The following ABLIM1 variants were observed in gnomAD, a reference collection of about 807,000 sequenced individuals.
ABLIM1 encodes actin-binding LIM protein 1.
ABLIM1 carries 40 observed loss-of-function variants against 107.0 expected under a neutral mutation model. The observed-to-expected ratio is 0.37, with a 90% CI of 0.29 to 0.49. The LOEUF is 0.49. Ranked by LOEUF, ABLIM1 falls within the 20% of genes least tolerant of loss-of-function variation. The pLI is 0.97. For missense variants in ABLIM1, 857 were observed against 1,008.5 expected, an observed-to-expected ratio of 0.85 and a Z score of 2.04; for synonymous variants, 357 against 357.3, an observed-to-expected ratio of 1.00 and a Z score of 0.01.
At chr10:114,519,779 G>C (rs1157583460) in intron 6 of ABLIM1, among the ~76,000 whole-genome samples, 1 of 152,110 alleles carries the variant, frequency 6.6e-6, no homozygotes, top group African/African-American at 2.4e-5. Context: ...CTTCTCACTG[G>C]TCCTACCCCC....
At chr10:114,477,436 C>T (rs1006678662) in intron 8 of ABLIM1, among the ~76,000 whole-genome samples, 14 of 152,138 alleles carry the variant, frequency 9.2e-5, no homozygotes, top group Admixed American at 8.5e-4. Context: ...ATTGTGTGAA[C>T]AGCCAAAGTG....
At chr10:114,709,316 T>A (rs1473597504) in intron 1 of ABLIM1, among the ~76,000 whole-genome samples, 2 of 152,146 alleles carry the variant, frequency 1.3e-5, no homozygotes, top group African/African-American at 4.8e-5. Context: ...AAGGTTTGAA[T>A]CGTATAAAGC....
At chr10:114,787,609 CCCCG>C in the ABLIM1 span, among the ~76,000 whole-genome samples, 1 of 146,648 alleles carries the variant, frequency 6.8e-6, no homozygotes, top group African/African-American at 2.5e-5. Flanking sequence ...CGGCCAGCCG[CCCCG>C]TCCGGGAGGT....
chr10:114,796,909 T>G, the ABLIM1 span, among the ~76,000 whole-genome samples: 1 of 152,178 alleles, frequency 6.6e-6, no homozygotes, highest in African/African-American at 2.4e-5. Context: ...GACCTGCATA[T>G]CCTCATGGGT....
intron 6 of ABLIM1, among the ~76,000 whole-genome samples, chr10:114,529,932 C>T (rs541438123): frequency 6.6e-6 from 1 of 152,302 alleles, no homozygotes; most frequent in Admixed American, 6.5e-5. Context: ...GAGGCTGAGG[C>T]AGGAGAATCC....
intron 6 of ABLIM1, among the ~76,000 whole-genome samples, chr10:114,519,348 G>A (rs1476870875): frequency 1.3e-5 from 2 of 152,212 alleles, no homozygotes; most frequent in African/African-American, 4.8e-5. Flanking sequence ...ACACAGAAAA[G>A]GAGGTAGAGA....
chr10:114,520,409 C>G (rs1416924369), intron 6 of ABLIM1, among the ~76,000 whole-genome samples: 1 of 151,912 alleles, frequency 6.6e-6, no homozygotes, highest in Non-Finnish European at 1.5e-5. Context: ...TTTTCCTAGT[C>G]TTTTCTGCTT....
intron 2 of ABLIM1, among the ~76,000 whole-genome samples, chr10:114,583,205 T>C (rs1028447571): frequency 6.6e-6 from 1 of 150,760 alleles, no homozygotes; most frequent in African/African-American, 2.4e-5. Context: ...AAAAAACATG[T>C]CTTCTTAAAA....
intron 1 of ABLIM1, chr10:114,631,970 CT>C: frequency 1.5e-6 from 2 of 1,302,916 alleles, no homozygotes; most frequent in Non-Finnish European, 2.0e-6. Context: ...GGAATAAACT[CT>C]GGGAGTGGAA....
chr10:114,776,726 G>A, the ABLIM1 span, among the ~76,000 whole-genome samples: 9 of 152,110 alleles, frequency 5.9e-5, no homozygotes, highest in Non-Finnish European at 7.4e-5. Context: ...CTGAGCTCCC[G>A]CCTCAGCCTC....
chr10:114,668,049 G>A (rs76957670), intron 1 of ABLIM1, among the ~76,000 whole-genome samples: 6,081 of 151,704 alleles, frequency 0.04, 157 homozygotes, highest in Middle Eastern at 0.082. Context: ...GGGGTCCTTC[G>A]AGGTAGGCAG....
intron 1 of ABLIM1, chr10:114,632,087 C>T: frequency 1.0e-6 from 1 of 985,276 alleles, no homozygotes; most frequent in Non-Finnish European, 1.2e-6. Context: ...CCCGCCTCGG[C>T]GGGCCCCGCT....
intron 2 of ABLIM1, among the ~76,000 whole-genome samples, chr10:114,580,626 A>G (rs2073253115): frequency 6.6e-6 from 1 of 152,196 alleles, no homozygotes; most frequent in Admixed American, 6.5e-5. Context: ...AGAGTCCTAT[A>G]CTTTTTGAAA....
chr10:114,713,040 C>A (rs1460245391), intron 1 of ABLIM1, among the ~76,000 whole-genome samples: 2 of 152,100 alleles, frequency 1.3e-5, no homozygotes, highest in Non-Finnish European at 2.9e-5. Context: ...CAGAGCAAGA[C>A]CCTGTCTCTT....
chr10:114,603,953 CA>C (rs56037072), intron 1 of ABLIM1, among the ~76,000 whole-genome samples: 7,774 of 131,274 alleles, frequency 0.059, 519 homozygotes, highest in African/African-American at 0.22. Context: ...GACTTTGTCT[CA>C]AAAAAAAAAA....
intron 6 of ABLIM1, among the ~76,000 whole-genome samples, chr10:114,501,458 A>T (rs571799473): frequency 1.3e-5 from 2 of 152,322 alleles, no homozygotes; most frequent in East Asian, 3.9e-4. Flanking sequence ...AAAGGATACA[A>T]ATAAAAGTTT....
rs202200945 is a variant in ABLIM1 at position 114,468,190 on chromosome 10, T to C, written c.1302A>G (p.Pro434=). The stretch of plus-strand genomic sequence containing the variant: ...AAGAAATGGTACTTACTTCTGCTGA[T>C]GGAGTAGGAGACAAAGTCCTCGGAG... ...GESPRTLSPT[P]SAEGYQDVRD... Residue 434 remains proline, a synonymous_variant, in exon 11 of 23, where the codon CCA becomes CCG. Transcript: ENST00000533213. 41 of 1,613,252 alleles carry C rather than the reference T, an allele frequency of 2.5e-5. No homozygotes were observed. The East Asian group carries it at 8.9e-4, about 35-fold the overall frequency.
the ABLIM1 span, chr10:114,779,089 TCA>T: frequency 6.6e-6 from 1 of 152,216 alleles, no homozygotes; most frequent in Admixed American, 6.5e-5. Flanking sequence ...TCCTGAGGTC[TCA>T]CTAGTGCCAG....
intron 6 of ABLIM1, among the ~76,000 whole-genome samples, chr10:114,517,692 T>A (rs937023989): frequency 1.1e-4 from 16 of 152,262 alleles, no homozygotes; most frequent in South Asian, 2.1e-4. Context: ...AAACTTGGGA[T>A]TTTTAGGATT....
Sources: allele counts gnomAD v4.1 joint callset (sites outside exome capture counted in the v4.1 genomes callset), GRCh38; gene constraint gnomAD v4.1.1; transcripts MANE v1.5; gene names NCBI Gene and HGNC (gene_info 2026-07-23, HGNC 2026-07-21).